The following ZBTB20 variants were observed in gnomAD, a reference collection of about 807,000 sequenced individuals.
The protein encoded by ZBTB20 is zinc finger and BTB domain-containing protein 20.
A neutral mutation model predicts 56.9 loss-of-function variants in ZBTB20; 9 were observed. The observed-to-expected ratio is 0.16, with a 90% confidence interval of 0.10 to 0.28. ZBTB20 has a LOEUF of 0.28. Among genes scored for constraint, ZBTB20 ranks in the 10% least tolerant of loss-of-function variants. ZBTB20 has a pLI of 1.00. For synonymous variants in ZBTB20, 417 were observed against 420.7 expected (o/e 0.99, Z 0.11); for missense variants, 655 against 1,003.0 (o/e 0.65, Z 4.69).
intron 2 of ZBTB20, among the ~76,000 whole-genome samples, chr3:114,982,009 C>CAGCT (rs1006624275): frequency 7.2e-5 from 11 of 152,124 alleles, no homozygotes; most frequent in Admixed American, 4.6e-4. Context: ...CACCTTTGTG[C>CAGCT]AGCTGGCAGT....
At chr3:114,499,989 A>G (rs1394929653) in intron 7 of ZBTB20, among the ~76,000 whole-genome samples, 1 of 152,264 alleles carries the variant, frequency 6.6e-6, no homozygotes, top group East Asian at 1.9e-4. Flanking sequence ...ACATAACTGA[A>G]GAATACATAA....
intron 7 of ZBTB20, among the ~76,000 whole-genome samples, chr3:114,413,640 A>T (rs887428831): frequency 6.6e-6 from 1 of 152,130 alleles, no homozygotes; most frequent in Non-Finnish European, 1.5e-5. Context: ...GGGACTAACT[A>T]TAGTGCTGAT....
chr3:114,398,937 C>T (rs2086571211), intron 7 of ZBTB20, among the ~76,000 whole-genome samples: 3 of 152,158 alleles, frequency 2.0e-5, no homozygotes, highest in African/African-American at 7.2e-5. Context: ...ACTGGCACAA[C>T]ATAAAACCCC....
intron 6 of ZBTB20, among the ~76,000 whole-genome samples, chr3:114,617,239 T>A (rs1474265303): frequency 6.6e-6 from 1 of 152,210 alleles, no homozygotes; most frequent in Admixed American, 6.5e-5. Flanking sequence ...CCTGCCTGCA[T>A]CTACAGCATC....
At chr3:114,693,706 T>G in intron 5 of ZBTB20, 131 bp from the exon 6 acceptor site, 1 of 152,106 alleles carries the variant, frequency 6.6e-6, no homozygotes, top group East Asian at 1.9e-4. Context: ...ATATAAAAAG[T>G]AAAGGATGTT....
chr3:114,398,765 T>A (rs1360400494), intron 7 of ZBTB20, among the ~76,000 whole-genome samples: 3 of 152,176 alleles, frequency 2.0e-5, no homozygotes, highest in Non-Finnish European at 4.4e-5. Context: ...TCAGGGTAAG[T>A]ATTGTCTGAG....
chr3:114,985,111 C>A (rs2078481396), intron 2 of ZBTB20, among the ~76,000 whole-genome samples: 1 of 152,064 alleles, frequency 6.6e-6, no homozygotes, highest in South Asian at 2.1e-4. Flanking sequence ...TCACTATCTG[C>A]AACTATTTTA....
At chr3:114,841,566 T>G (rs2074385427) in intron 4 of ZBTB20, among the ~76,000 whole-genome samples, 1 of 152,130 alleles carries the variant, frequency 6.6e-6, no homozygotes, top group African/African-American at 2.4e-5. Flanking sequence ...ATTGAACAGA[T>G]TAAGGACATT....
chr3:114,443,560 T>C (rs1432587726), intron 7 of ZBTB20, among the ~76,000 whole-genome samples: 9 of 152,206 alleles, frequency 5.9e-5, no homozygotes, highest in Non-Finnish European at 1.3e-4. Flanking sequence ...ATAGGTCCAA[T>C]ATGGACTTTT....
At chr3:115,060,868 T>G (rs983612128) in intron 2 of ZBTB20, among the ~76,000 whole-genome samples, 1 of 152,140 alleles carries the variant, frequency 6.6e-6, no homozygotes, top group African/African-American at 2.4e-5. Flanking sequence ...AATAACACCT[T>G]GGTTTCTACA....
chr3:114,746,085 A>G (rs985272997), intron 5 of ZBTB20, among the ~76,000 whole-genome samples: 1 of 152,150 alleles, frequency 6.6e-6, no homozygotes, highest in Non-Finnish European at 1.5e-5. Context: ...GATTTGGTTT[A>G]CTCAATTCTA....
intron 8 of ZBTB20, among the ~76,000 whole-genome samples, chr3:114,384,131 T>TCACA (rs1491563656): frequency 4.7e-5 from 6 of 128,456 alleles, no homozygotes; most frequent in Non-Finnish European, 9.9e-5. Flanking sequence ...TCTCTCTCAT[T>TCACA]CTCTCTCTCT....
chr3:114,890,334 G>A (rs988677777), intron 4 of ZBTB20, among the ~76,000 whole-genome samples: 2 of 152,070 alleles, frequency 1.3e-5, no homozygotes, highest in Non-Finnish European at 2.9e-5. Context: ...ACAGAATCTT[G>A]GCAGTGATAA....
chr3:115,023,131 A>G (rs75119670), intron 2 of ZBTB20, among the ~76,000 whole-genome samples: 59 of 151,104 alleles, frequency 3.9e-4, no homozygotes, highest in African/African-American at 1.4e-3. Flanking sequence ...TTTTAACTGA[A>G]GCATGACAGT....
intron 7 of ZBTB20, among the ~76,000 whole-genome samples, chr3:114,463,126 T>A (rs768082487): frequency 2.4e-4 from 36 of 152,360 alleles, no homozygotes; most frequent in Non-Finnish European, 2.8e-4. Flanking sequence ...AGATTTTTCA[T>A]TTGTAAAATA....
chr3:114,544,876 G>T (rs963264653), intron 6 of ZBTB20, among the ~76,000 whole-genome samples: 1 of 152,082 alleles, frequency 6.6e-6, no homozygotes, highest in Admixed American at 6.6e-5. Flanking sequence ...CATTCATTCA[G>T]TGTTTATTTA....
intron 4 of ZBTB20, among the ~76,000 whole-genome samples, chr3:114,818,331 T>C (rs1222352094): frequency 6.6e-6 from 1 of 152,150 alleles, no homozygotes; most frequent in Admixed American, 6.5e-5. Flanking sequence ...AAAGTTTTCT[T>C]AATAAGATCA....
intron 5 of ZBTB20, among the ~76,000 whole-genome samples, chr3:114,740,823 T>C (rs532724595): frequency 1.3e-5 from 2 of 152,348 alleles, no homozygotes; most frequent in Non-Finnish European, 2.9e-5. Context: ...TTTATTAATA[T>C]CTGAATGAAT....
In ZBTB20 at chr3:114,923,521, G is replaced by A. The variant is rs367685642; in HGVS notation, c.-455-23179C>T. On this transcript the variant is annotated intron_variant, in intron 3 of 11. Transcript: ENST00000675478. The stretch of plus-strand genomic sequence containing the variant: ...TTTTGGGGAAACTGGATACTCAAAT[G>A]CAAAAGAATAAGACTGGATCCTTGT... Among the ~76,000 whole-genome samples the A allele has an allele frequency of 3.3e-5, 5 of 152,094 alleles. No homozygotes were observed. In the East Asian group the frequency reaches 7.7e-4, roughly 23 times the overall value.
Sources: gnomAD v4.1 joint callset for allele counts (sites outside exome capture counted in the v4.1 genomes callset) on GRCh38, gnomAD v4.1.1 for gene constraint, MANE v1.5 for transcripts, NCBI Gene and HGNC (gene_info 2026-07-23, HGNC 2026-07-21) for gene names.